Variants in UCK2 observed in about 807,000 individuals in gnomAD.
UCK2 encodes uridine-cytidine kinase 2.
UCK2 carries 6 observed loss-of-function variants against 30.8 expected under a neutral mutation model. The observed-to-expected ratio is 0.19, with a 90% CI of 0.11 to 0.38. The LOEUF (loss-of-function observed/expected upper bound fraction) is 0.38, where lower values mean the gene tolerates loss of function less well. UCK2 is among the 10% of genes least tolerant of loss of function. UCK2 has a pLI of 1.00. For synonymous variants in UCK2, 125 were observed against 133.6 expected (o/e 0.94, Z 0.45); for missense variants, 210 against 339.8 (o/e 0.62, Z 3.00).
chr1:165,898,945 T>G (rs1457219448), intron 4 of UCK2, among the ~76,000 whole-genome samples: 1 of 152,244 alleles, frequency 6.6e-6, no homozygotes, highest in South Asian at 2.1e-4. Flanking sequence ...ATGGGACTTT[T>G]CTGCATGCTA....
chr1:165,862,171 C>G (rs1037094332), intron 1 of UCK2, among the ~76,000 whole-genome samples: 3 of 152,184 alleles, frequency 2.0e-5, no homozygotes, highest in Non-Finnish European at 4.4e-5. Flanking sequence ...TATGCACAGG[C>G]TCTTAATCTC....
intron 3 of UCK2, chr1:165,894,126 A>G (rs1655834224): frequency 1.3e-5 from 2 of 152,230 alleles, no homozygotes; most frequent in African/African-American, 4.8e-5. Flanking sequence ...GGGATGCCCT[A>G]AATATAATGC....
At chr1:165,888,642 CTTTT>C (rs60874109) in intron 1 of UCK2, among the ~76,000 whole-genome samples, 68 of 71,062 alleles carry the variant, frequency 9.6e-4, no homozygotes, top group Admixed American at 1.8e-3. Context: ...CTTTCTTCTT[CTTTT>C]TTTTTTTTTT....
At chr1:165,840,127 C>G (rs1654291012) in intron 1 of UCK2, among the ~76,000 whole-genome samples, 1 of 152,296 alleles carries the variant, frequency 6.6e-6, no homozygotes, top group African/African-American at 2.4e-5. Context: ...CCATGTTGGC[C>G]AGGCTGGTCT....
At chr1:165,849,775 A>C (rs1329506548) in intron 1 of UCK2, among the ~76,000 whole-genome samples, 1 of 152,234 alleles carries the variant, frequency 6.6e-6, no homozygotes, top group Non-Finnish European at 1.5e-5. Context: ...CATTTTAGGC[A>C]GGAAAAATCT....
chr1:165,863,733 C>T (rs1355573989), intron 1 of UCK2, among the ~76,000 whole-genome samples: 2 of 152,168 alleles, frequency 1.3e-5, no homozygotes, highest in African/African-American at 2.4e-5. Context: ...GCTGAAATAA[C>T]CTCTAGCAGG....
intron 1 of UCK2, among the ~76,000 whole-genome samples, chr1:165,887,848 A>G (rs1655658947): frequency 6.6e-6 from 1 of 151,948 alleles, no homozygotes; most frequent in South Asian, 2.1e-4. Context: ...CTAGTTTATC[A>G]TATGAAAGTT....
rs943996788 is a variant in UCK2 at position 165,910,661 on chromosome 1, C to T, written c.*2838C>T. On this transcript the variant is annotated 3_prime_UTR_variant, in exon 7 of 7. Transcript: ENST00000367879. ...TCTGTGTAAGAAGGATGCAAGTATC[C>T]TTTGATTTGGAGTGGACAGAGCAGG... 6.6e-6 allele frequency: 1 copy of T among 152,272 alleles called. No individual in the cohort carries two copies. The highest frequency in any genetic ancestry group is 1.5e-5 in the Non-Finnish European group (1 of 68,112). The allele number at this position is 152,272 out of a possible 1,614,324, so 9.4% of individuals were successfully genotyped here.
intron 1 of UCK2, among the ~76,000 whole-genome samples, chr1:165,843,563 A>G (rs1654379698): frequency 6.6e-6 from 1 of 152,160 alleles, no homozygotes; most frequent in Non-Finnish European, 1.5e-5. Context: ...GGATCACTTG[A>G]GGCCAGGAGT....
chr1:165,864,248 G>A (rs762518649), intron 1 of UCK2, among the ~76,000 whole-genome samples: 2 of 152,058 alleles, frequency 1.3e-5, no homozygotes, highest in South Asian at 2.1e-4. Context: ...GCGCCCAGCC[G>A]GGTCCTGCCT....
intron 1 of UCK2, among the ~76,000 whole-genome samples, chr1:165,833,816 A>G (rs1654115208): frequency 6.6e-6 from 1 of 152,110 alleles, no homozygotes; most frequent in African/African-American, 2.4e-5. Flanking sequence ...ATACTTTTAT[A>G]TGTGAGTGTG....
chr1:165,866,366 C>T (rs2101867862), intron 1 of UCK2, among the ~76,000 whole-genome samples: 1 of 152,220 alleles, frequency 6.6e-6, no homozygotes, highest in South Asian at 2.1e-4. Flanking sequence ...GTTTTAGAGA[C>T]TCTACCTGAA....
intron 1 of UCK2, among the ~76,000 whole-genome samples, chr1:165,834,163 G>C (rs926555910): frequency 6.6e-6 from 1 of 152,124 alleles, no homozygotes; most frequent in South Asian, 2.1e-4. Context: ...TGAAGGTTTT[G>C]TTCTAAGTTT....
intron 1 of UCK2, among the ~76,000 whole-genome samples, chr1:165,845,045 T>G (rs2101854483): frequency 6.6e-6 from 1 of 152,282 alleles, no homozygotes; most frequent in South Asian, 2.1e-4. Context: ...AGAACCCTGA[T>G]TTAAAAACCT....
At chr1:165,861,403 C>T (rs10159235) in intron 1 of UCK2, among the ~76,000 whole-genome samples, 54,901 of 151,172 alleles carry the variant, frequency 0.36, 10,278 homozygotes, top group Non-Finnish European at 0.43. Context: ...CCGAGGCGGG[C>T]GGATCACGAG....
intron 6 of UCK2, among the ~76,000 whole-genome samples, chr1:165,907,386 GAGTGCTTCATCC>G: frequency 6.6e-6 from 1 of 152,230 alleles, no homozygotes; most frequent in Admixed American, 6.5e-5. Context: ...ACTTTGGCCC[GAGTGCTTCATCC>G]AGTGGTGACT....
chr1:165,879,768 G>A (rs1337746059), intron 1 of UCK2, among the ~76,000 whole-genome samples: 2 of 152,036 alleles, frequency 1.3e-5, no homozygotes, highest in Admixed American at 1.3e-4. Flanking sequence ...GGGAACAGTC[G>A]AGGGAATTGA....
intron 1 of UCK2, among the ~76,000 whole-genome samples, chr1:165,835,887 C>A (rs1161291562): frequency 6.6e-6 from 1 of 152,132 alleles, no homozygotes; most frequent in African/African-American, 2.4e-5. Context: ...GTATTTATTT[C>A]TTTTCGATTG....
intron 5 of UCK2, among the ~76,000 whole-genome samples, chr1:165,905,400 C>A (rs1026112185): frequency 6.6e-6 from 1 of 152,044 alleles, no homozygotes; most frequent in African/African-American, 2.4e-5. Context: ...GGGATGATCT[C>A]CCCAACTCAG....
Sources: allele counts gnomAD v4.1 joint callset (sites outside exome capture counted in the v4.1 genomes callset), GRCh38; gene constraint gnomAD v4.1.1; transcripts MANE v1.5; gene names NCBI Gene and HGNC (gene_info 2026-07-23, HGNC 2026-07-21).